Variants in FBXW4 observed in about 807,000 individuals in gnomAD.
FBXW4 encodes F-box/WD repeat-containing protein 4.
FBXW4 carries 40 observed loss-of-function variants against 61.8 expected under a neutral mutation model. The observed-to-expected ratio is 0.65, with a 90% CI of 0.50 to 0.84. The LOEUF (loss-of-function observed/expected upper bound fraction) is 0.84, where lower values mean the gene tolerates loss of function less well. Ranked by LOEUF, FBXW4 falls within the 40% of genes least tolerant of loss-of-function variation. The pLI, the probability that FBXW4 is intolerant of heterozygous loss-of-function variation, is 0.00. For missense variants in FBXW4, 672 were observed against 753.8 expected (o/e 0.89, Z 1.27); for synonymous variants, 311 against 313.8 (o/e 0.99, Z 0.10).
At chr10:101,638,206 G>A (rs569649140) in intron 5 of FBXW4, among the ~76,000 whole-genome samples, 1 of 152,242 alleles carries the variant, frequency 6.6e-6, no homozygotes, top group South Asian at 2.1e-4. Flanking sequence ...AATAACCTAC[G>A]TGTCCATCAG....
chr10:101,636,432 G>C (rs2064002471), intron 5 of FBXW4, among the ~76,000 whole-genome samples: 1 of 150,364 alleles, frequency 6.7e-6, no homozygotes, highest in Admixed American at 6.6e-5. Context: ...GCAAATTAGA[G>C]AAAAAACAAA....
At chr10:101,666,208 A>G (rs2064298539) in intron 5 of FBXW4, among the ~76,000 whole-genome samples, 1 of 151,898 alleles carries the variant, frequency 6.6e-6, no homozygotes, top group African/African-American at 2.4e-5. Flanking sequence ...CCTCTTTCCT[A>G]CGATTGCTAG....
At chr10:101,622,005 T>C (rs1357544952) in intron 6 of FBXW4, among the ~76,000 whole-genome samples, 2 of 152,090 alleles carry the variant, frequency 1.3e-5, no homozygotes. Context: ...AAAGACGGAA[T>C]GGTTGTTTGG....
intron 5 of FBXW4, among the ~76,000 whole-genome samples, chr10:101,643,404 A>G (rs1264287782): frequency 6.6e-6 from 1 of 152,196 alleles, no homozygotes; most frequent in Non-Finnish European, 1.5e-5. Context: ...GAAGAGGTAC[A>G]TGCCCTCTGG....
rs2064659534 is a variant in FBXW4, at chr10:101,694,830, C to G, written c.276G>C (p.Glu92Asp). The G allele has an allele frequency of 1.5e-6, 2 of 1,304,010 alleles. No homozygotes were observed. Among genetic ancestry groups the G allele is most frequent in the Non-Finnish European group, 1.9e-6 (2 of 1,030,004 alleles). 80.8% of individuals were successfully genotyped at this position (1,304,010 alleles called of 1,614,324 possible). A position where few individuals can be genotyped will look rare whatever the true frequency, so the allele number is the denominator to read the frequency against. Residue 92 changes from glutamate to aspartate, a missense_variant, in exon 1 of 9, where the codon GAG (glutamate) becomes GAC (aspartate). Glu to Asp is a conservative substitution (Grantham distance 45, BLOSUM62 2). Around this residue, in one of 5 missense-constraint regions of FBXW4, gnomAD observed 311 missense variants for 301.1 expected, o/e 1.03. Transcript: ENST00000331272. The surrounding 1 kb of genome is among the most constrained non-coding windows in gnomAD (Gnocchi z 6.0). The part of the protein sequence containing the change: ...REEAEGGRSV[E>D]EGARGIVKGV... ...CCTTGACGATGCCTCTCGCCCCTTC[C>G]TCCACGCTTCTGCCTCCCTCTGCTT...
chr10:101,673,605 T>C lies in FBXW4; in HGVS notation c.890A>G (p.Tyr297Cys). 1 of 1,614,026 alleles carries C rather than the reference T, an allele frequency of 6.2e-7. No homozygotes were observed. ...GCTGGCACCATCTGGACGGAACTGGTAGGCCAGGATGAAATTAGCCTGGGA... is the reference window on the plus strand; with the variant it reads ...GCTGGCACCATCTGGACGGAACTGGCAGGCCAGGATGAAATTAGCCTGGGA... ...YISQANFILA[Y>C]QFRPDGASLN... The change falls in exon 3 of 9, where the codon TAC becomes TGC. Residue 297 changes from tyrosine to cysteine, a missense_variant. By Grantham distance (194) the Tyr-to-Cys change is radical. Coordinates refer to ENST00000331272, the MANE Select transcript of FBXW4 (RefSeq NM_022039.4).
intron 1 of FBXW4, chr10:101,676,691 C>T (rs1404155694): frequency 7.2e-6 from 1 of 139,014 alleles, no homozygotes; most frequent in African/African-American, 3.1e-5. Flanking sequence ...AATCCTGGAA[C>T]CACTGGATGT....
At chr10:101,658,203 C>G (rs1289597532) in intron 5 of FBXW4, among the ~76,000 whole-genome samples, 4 of 151,980 alleles carry the variant, frequency 2.6e-5, no homozygotes, top group African/African-American at 7.3e-5. Context: ...TCCTGGGGAC[C>G]AGGACTCTGG....
At chr10:101,685,033 T>C (rs1257803488) in intron 1 of FBXW4, among the ~76,000 whole-genome samples, 1 of 152,162 alleles carries the variant, frequency 6.6e-6, no homozygotes, top group African/African-American at 2.4e-5. Flanking sequence ...CTTCACACTA[T>C]GCAACTGGAC....
chr10:101,676,276 A>AT lies in FBXW4; in HGVS notation c.821+64dup, dbSNP rs892436866. The AT allele has an allele frequency of 1.0e-5, 15 of 1,443,020 alleles. No individual in the cohort carries two copies. In the African/African-American group the frequency reaches 1.1e-4, roughly 11 times the overall value. 89.4% of individuals were successfully genotyped at this position (1,443,020 alleles called of 1,614,324 possible). A position where few individuals can be genotyped will look rare whatever the true frequency, so the allele number is the denominator to read the frequency against. On this transcript the variant is annotated intron_variant, in intron 2 of 8. Coordinates refer to ENST00000331272, the MANE Select transcript of FBXW4 (RefSeq NM_022039.4). The stretch of plus-strand genomic sequence containing the variant: ...CCCATTAGCCTCTATGTAGGACCAG[A>AT]TTTTTTACTTTCCATTATGCTTTTA...
intron 5 of FBXW4, among the ~76,000 whole-genome samples, chr10:101,654,453 T>C (rs1200508129): frequency 6.6e-6 from 1 of 152,140 alleles, no homozygotes; most frequent in East Asian, 1.9e-4. Context: ...TCCTTAATTT[T>C]AAAAATTATG....
At chr10:101,661,334 G>A (rs2064242463) in intron 5 of FBXW4, among the ~76,000 whole-genome samples, 1 of 152,122 alleles carries the variant, frequency 6.6e-6, no homozygotes, top group Admixed American at 6.5e-5. Flanking sequence ...TCCTGCCCTG[G>A]GTAATGGCAG....
intron 5 of FBXW4, among the ~76,000 whole-genome samples, chr10:101,635,637 C>CA (rs1248414638): frequency 2.0e-5 from 3 of 152,070 alleles, no homozygotes; most frequent in African/African-American, 7.2e-5. Flanking sequence ...GAGTTCAAGA[C>CA]AAGCCTGGGC....
Position 101,651,014 on chromosome 10 carries a change from C to T in FBXW4, c.1235+16872G>A, listed in dbSNP as rs74770417. Among the ~76,000 whole-genome samples, 241 of 152,340 alleles carry T rather than the reference C, an allele frequency of 1.6e-3. 1 individual carries two copies. In the East Asian group the frequency reaches 0.031, roughly 20 times the overall value. On this transcript the variant is annotated intron_variant, in intron 5 of 8. Coordinates refer to ENST00000331272, the MANE Select transcript of FBXW4 (RefSeq NM_022039.4). ...GGCCCTGAGTTCGGCAGCCTTTTCA[C>T]GGGGAAGATGCCTCTGCCTGGAAAA...
chr10:101,694,424 G>T lies in FBXW4; in HGVS notation c.682C>A (p.Arg228=), dbSNP rs1457283040. 1 of 1,525,280 alleles carries T rather than the reference G, an allele frequency of 6.6e-7. No homozygotes were observed. Among genetic ancestry groups the T allele is most frequent in the Non-Finnish European group, 8.7e-7 (1 of 1,149,088 alleles). The allele number at this position is 1,525,280 out of a possible 1,614,324, so 94.5% of individuals were successfully genotyped here. A position where few individuals can be genotyped will look rare whatever the true frequency, so the allele number is the denominator to read the frequency against. The change falls in exon 1 of 9, where the codon CGG becomes AGG. Residue 228 remains arginine (R), a synonymous_variant. Transcript: ENST00000331272. This position sits in a 1 kb window ranked among gnomAD's most constrained non-coding sequence, Gnocchi z 6.0. ...GTGAAGCCGGAGTTGAGCGAGGCCCGGGCTATCCGGCGCCAGAGCAGATCG... is the reference window on the plus strand; with the variant it reads ...GTGAAGCCGGAGTTGAGCGAGGCCCTGGCTATCCGGCGCCAGAGCAGATCG... The part of the protein sequence containing the change: ...SCDLLWRRIA[R]ASLNSGFTRL...
chr10:101,658,400 C>A (rs753456420), intron 5 of FBXW4, among the ~76,000 whole-genome samples: 8 of 152,068 alleles, frequency 5.3e-5, no homozygotes, highest in Non-Finnish European at 1.2e-4. Context: ...CAAAAATTAG[C>A]CAGGCGTGGT....
chr10:101,686,482 G>A (rs928445159), intron 1 of FBXW4, among the ~76,000 whole-genome samples: 68 of 151,400 alleles, frequency 4.5e-4, no homozygotes, highest in African/African-American at 1.5e-3. Context: ...AGAAAGATGC[G>A]GATTTTTGGG....
At position 101,695,022 on chromosome 10, in the gene FBXW4, T is replaced by G; in HGVS notation, c.84A>C (p.Glu28Asp). 4 of 1,033,484 alleles carry G rather than the reference T, an allele frequency of 3.9e-6. No individual in the cohort carries two copies. Among genetic ancestry groups the G allele is most frequent in the Non-Finnish European group, 3.5e-6 (3 of 860,938 alleles). The allele number at this position is 1,033,484 out of a possible 1,614,324, so 64.0% of individuals were successfully genotyped here. A position where few individuals can be genotyped will look rare whatever the true frequency, so the allele number is the denominator to read the frequency against. The change falls in exon 1 of 9, where the codon GAA becomes GAC. Residue 28 changes from glutamate to aspartate, a missense_variant. Glu to Asp is a conservative substitution (Grantham distance 45). Transcript: ENST00000331272. The surrounding 1 kb of genome is among the most constrained non-coding windows in gnomAD (Gnocchi z 4.2). ...GEGGEARKLQ[E>D]GRVARGKRRK... Reference sequence around the variant, plus strand: ...TTCGCTTCCCCCTCGCCACCCTCCCTTCCTGCAGCTTCCTCGCCTCTCCGC... The same window carrying G: ...TTCGCTTCCCCCTCGCCACCCTCCCGTCCTGCAGCTTCCTCGCCTCTCCGC...
chr10:101,648,392 A>T (rs2064118604), intron 5 of FBXW4, among the ~76,000 whole-genome samples: 1 of 152,222 alleles, frequency 6.6e-6, no homozygotes. Flanking sequence ...TCCTGAGAAC[A>T]CTAAATACCA....
Sources: allele counts gnomAD v4.1 joint callset (sites outside exome capture counted in the v4.1 genomes callset), GRCh38; gene constraint gnomAD v4.1.1; regional missense constraint gnomAD v4.1.1; non-coding constraint Gnocchi (gnomAD v3.1); transcripts MANE v1.5; gene names NCBI Gene and HGNC (gene_info 2026-07-23, HGNC 2026-07-21).